The following TMEM45A variants were observed in gnomAD, a reference collection of about 807,000 sequenced individuals.
TMEM45A encodes the protein DNA polymerase-transactivated protein 4.
TMEM45A carries 25 observed loss-of-function variants against 32.0 expected under a neutral mutation model. The observed-to-expected ratio is 0.78, with a 90% CI of 0.57 to 1.09. TMEM45A has a LOEUF of 1.09. Among genes scored for constraint, TMEM45A ranks in the 50% least tolerant of loss-of-function variants. The pLI is 0.00. For synonymous variants in TMEM45A, 122 were observed against 114.8 expected (o/e 1.06, Z -0.40); for missense variants, 302 against 325.0 (o/e 0.93, Z 0.54).
intron 5 of TMEM45A, among the ~76,000 whole-genome samples, chr3:100,570,216 G>C (rs1369354747): frequency 6.6e-6 from 1 of 152,180 alleles, no homozygotes; most frequent in African/African-American, 2.4e-5. Flanking sequence ...CATCTAGCAG[G>C]TTCTCTGATT....
At chr3:100,573,858 CATG>C (rs1706625353) in intron 5 of TMEM45A, 1 of 152,144 alleles carries the variant, frequency 6.6e-6, no homozygotes, top group Non-Finnish European at 1.5e-5. Flanking sequence ...TTGAGATAAT[CATG>C]TGGTTTTTGT....
intron 1 of TMEM45A, among the ~76,000 whole-genome samples, chr3:100,511,042 A>G (rs1708151992): frequency 6.6e-6 from 1 of 152,206 alleles, no homozygotes; most frequent in Non-Finnish European, 1.5e-5. Context: ...AAGTTGGAAA[A>G]CACTCTTCAG....
chr3:100,537,731 C>T (rs536903656), intron 1 of TMEM45A, among the ~76,000 whole-genome samples: 14 of 152,346 alleles, frequency 9.2e-5, no homozygotes, highest in African/African-American at 2.9e-4. Context: ...GATAGCCAAA[C>T]GTTCACACAG....
In TMEM45A at chr3:100,568,978, GA is replaced by G. The variant is rs1559654721; in HGVS notation, c.734+12del. 2.5e-6 allele frequency: 4 copies of G among 1,606,118 alleles called. No homozygotes were observed. On this transcript the variant is annotated intron_variant, in intron 5 of 5. Transcript: ENST00000323523. The stretch of plus-strand genomic sequence containing the variant: ...TGCTTTCATTACCTGGTAAGTTAGC[GA>G]TTTCTGTTAATGGAAGTTCTGTTCC...
At chr3:100,543,320 A>G (rs966339807) in intron 1 of TMEM45A, among the ~76,000 whole-genome samples, 1 of 152,126 alleles carries the variant, frequency 6.6e-6, no homozygotes, top group African/African-American at 2.4e-5. Flanking sequence ...ACTTTTTTTG[A>G]CATATACAAG....
intron 1 of TMEM45A, among the ~76,000 whole-genome samples, chr3:100,545,645 G>C (rs9855549): frequency 0.42 from 64,007 of 151,958 alleles, 13,649 homozygotes; most frequent in Middle Eastern, 0.49. Context: ...ATATGCCTCT[G>C]TCCCTCCCTT....
chr3:100,541,524 CTT>C (rs61341173), intron 1 of TMEM45A, among the ~76,000 whole-genome samples: 3,883 of 111,194 alleles, frequency 0.035, 70 homozygotes, highest in African/African-American at 0.095. Flanking sequence ...CTTTTCTTTC[CTT>C]TTTTTTTTTT....
intron 4 of TMEM45A, among the ~76,000 whole-genome samples, chr3:100,566,752 A>T (rs9865776): frequency 0.21 from 31,615 of 152,072 alleles, 4,174 homozygotes; most frequent in African/African-American, 0.35. Context: ...ATGAACAATG[A>T]TATCCATAAT....
At chr3:100,495,455 A>T (rs1485280383) in intron 1 of TMEM45A, among the ~76,000 whole-genome samples, 2 of 152,148 alleles carry the variant, frequency 1.3e-5, no homozygotes. Context: ...ACATTGGGAT[A>T]ATCTGTGGGA....
intron 4 of TMEM45A, among the ~76,000 whole-genome samples, chr3:100,561,841 C>T (rs527885082): frequency 2.0e-4 from 31 of 152,298 alleles, no homozygotes; most frequent in Admixed American, 2.6e-4. Context: ...CACTAGTCCC[C>T]CCAGAGATTC....
chr3:100,546,616 T>C (rs920893686), intron 1 of TMEM45A, among the ~76,000 whole-genome samples: 2 of 152,240 alleles, frequency 1.3e-5, no homozygotes, highest in African/African-American at 2.4e-5. Flanking sequence ...AGCAGTCCTA[T>C]GCCCTCTGAC....
intron 4 of TMEM45A, among the ~76,000 whole-genome samples, chr3:100,564,669 A>G (rs544735720): frequency 3.0e-4 from 45 of 152,250 alleles, no homozygotes; most frequent in African/African-American, 1.1e-3. Flanking sequence ...TTCTTAGTAG[A>G]GATGGGGTTT....
intron 4 of TMEM45A, among the ~76,000 whole-genome samples, chr3:100,565,494 T>C (rs1488761743): frequency 6.6e-6 from 1 of 152,226 alleles, no homozygotes; most frequent in Non-Finnish European, 1.5e-5. Context: ...ACCTTTCATT[T>C]ATTAGACGTG....
intron 1 of TMEM45A, among the ~76,000 whole-genome samples, chr3:100,514,291 G>A (rs1254193620): frequency 2.0e-5 from 3 of 151,940 alleles, no homozygotes; most frequent in African/African-American, 7.3e-5. Context: ...TAGATGAATG[G>A]AACAGAACAG....
chr3:100,496,503 A>G (rs1707930880), intron 1 of TMEM45A, among the ~76,000 whole-genome samples: 1 of 152,246 alleles, frequency 6.6e-6, no homozygotes, highest in Non-Finnish European at 1.5e-5. Flanking sequence ...TACCTTAGGT[A>G]TAATACAGCT....
At chr3:100,526,692 A>T (rs1017371352) in intron 1 of TMEM45A, among the ~76,000 whole-genome samples, 1 of 152,216 alleles carries the variant, frequency 6.6e-6, no homozygotes, top group Non-Finnish European at 1.5e-5. Context: ...GAAAAAAATT[A>T]TCTGCCAAAA....
intron 1 of TMEM45A, among the ~76,000 whole-genome samples, chr3:100,509,186 T>C (rs2148934009): frequency 6.6e-6 from 1 of 152,312 alleles, no homozygotes; most frequent in Non-Finnish European, 1.5e-5. Flanking sequence ...GAAAAACTGC[T>C]GAATATCACT....
rs543717517 is a variant in TMEM45A, at chr3:100,535,815, G to A, written c.-3-19394G>A. Among the ~76,000 whole-genome samples, 289 of 152,272 alleles carry A rather than the reference G, an allele frequency of 1.9e-3. 2 individuals carry two copies. Among genetic ancestry groups the A allele is most frequent in the Non-Finnish European group, 2.2e-3 (150 of 68,024 alleles). ...GCAAACTTCATTTTTTCCAAATGAT[G>A]TTCTGTTTGTTCTATTAGTTGCTGT... On this transcript the variant is annotated intron_variant, in intron 1 of 5. Transcript: ENST00000323523.
intron 1 of TMEM45A, among the ~76,000 whole-genome samples, chr3:100,507,964 T>C (rs1708100505): frequency 6.7e-6 from 1 of 149,380 alleles, no homozygotes; most frequent in African/African-American, 2.5e-5. Flanking sequence ...ATAAGCACGA[T>C]GTCAAATAGA....
Sources: allele counts gnomAD v4.1 joint callset (sites outside exome capture counted in the v4.1 genomes callset), GRCh38; gene constraint gnomAD v4.1.1; transcripts MANE v1.5; gene names NCBI Gene and HGNC (gene_info 2026-07-23, HGNC 2026-07-21).